Variants in ZNF804A observed in about 807,000 individuals in gnomAD.
The protein encoded by ZNF804A is zinc finger protein 804A.
ZNF804A carries 2 observed loss-of-function variants against 16.5 expected under a neutral mutation model. The ratio of observed to expected loss-of-function variants is 0.12; its 90% CI spans 0.05 to 0.38. The LOEUF is 0.38. Among genes scored for constraint, ZNF804A ranks in the 10% least tolerant of loss-of-function variants. The probability of loss-of-function intolerance (pLI) is 0.99; values close to 1 mark genes in which losing one functional copy is unlikely to be tolerated. For missense variants in ZNF804A, 1,473 were observed against 1,390.7 expected (o/e 1.06, Z -0.94); for synonymous variants, 534 against 489.6 (o/e 1.09, Z -1.20).
At chr2:184,931,567 A>G (rs1685702725) in intron 2 of ZNF804A, among the ~76,000 whole-genome samples, 1 of 152,170 alleles carries the variant, frequency 6.6e-6, no homozygotes, top group Non-Finnish European at 1.5e-5. Flanking sequence ...ACAAAGTGGC[A>G]AGGCTCTGGG....
chr2:184,758,852 AC>A (rs1005855225), intron 1 of ZNF804A, among the ~76,000 whole-genome samples: 2 of 151,968 alleles, frequency 1.3e-5, no homozygotes, highest in Non-Finnish European at 2.9e-5. Context: ...TTTAAATTTC[AC>A]AAAGTTAAAA....
intron 1 of ZNF804A, among the ~76,000 whole-genome samples, chr2:184,630,316 A>C (rs570449452): frequency 1.8e-4 from 28 of 152,264 alleles, no homozygotes; most frequent in Admixed American, 5.2e-4. Flanking sequence ...TGACCTGTCC[A>C]AGGTCATTAG....
intron 1 of ZNF804A, among the ~76,000 whole-genome samples, chr2:184,774,448 G>C (rs1694258766): frequency 6.6e-6 from 1 of 151,546 alleles, no homozygotes; most frequent in South Asian, 2.1e-4. Flanking sequence ...GGTTCTCAGG[G>C]GTAGGTAAAA....
chr2:184,704,381 A>G (rs34495883), intron 1 of ZNF804A, among the ~76,000 whole-genome samples: 2 of 152,030 alleles, frequency 1.3e-5, no homozygotes, highest in African/African-American at 4.8e-5. Flanking sequence ...CGAACTCCCA[A>G]CCTCAGATGA....
chr2:184,695,004 G>A (rs991797329), intron 1 of ZNF804A, among the ~76,000 whole-genome samples: 2 of 152,198 alleles, frequency 1.3e-5, no homozygotes, highest in Non-Finnish European at 2.9e-5. Context: ...TGCAGGCTCT[G>A]AGGGGAAAGG....
intron 2 of ZNF804A, among the ~76,000 whole-genome samples, chr2:184,903,832 C>A (rs10931155): frequency 0.43 from 64,786 of 151,918 alleles, 16,804 homozygotes; most frequent in East Asian, 0.82. Context: ...ATATCCATCA[C>A]TGCCAGAAAT....
chr2:184,824,148 C>T (rs938845571), intron 1 of ZNF804A, among the ~76,000 whole-genome samples: 8 of 152,044 alleles, frequency 5.3e-5, no homozygotes, highest in South Asian at 2.1e-4. Context: ...TAGCCTATAA[C>T]TCAGGCAGAA....
intron 1 of ZNF804A, among the ~76,000 whole-genome samples, chr2:184,691,929 A>G (rs1692736770): frequency 6.6e-6 from 1 of 152,146 alleles, no homozygotes; most frequent in Non-Finnish European, 1.5e-5. Context: ...GAGAGAAGCA[A>G]TGAAAGATCT....
chr2:184,873,165 G>A (rs189308598), intron 2 of ZNF804A, among the ~76,000 whole-genome samples: 1 of 152,140 alleles, frequency 6.6e-6, no homozygotes, highest in Admixed American at 6.5e-5. Flanking sequence ...ACATATCTAG[G>A]GAATTATTTT....
chr2:184,639,408 G>T (rs1415873528), intron 1 of ZNF804A, among the ~76,000 whole-genome samples: 1 of 151,956 alleles, frequency 6.6e-6, no homozygotes, highest in African/African-American at 2.4e-5. Context: ...TGATTCAGGA[G>T]ATTAACCTCC....
intron 1 of ZNF804A, among the ~76,000 whole-genome samples, chr2:184,737,403 G>C (rs1693643450): frequency 6.6e-6 from 1 of 151,934 alleles, no homozygotes; most frequent in African/African-American, 2.4e-5. Context: ...ATGAAATAGT[G>C]TTGAACTTTG....
Position 184,598,950 on chromosome 2 carries a change from C to A in ZNF804A, c.-10C>A. ...GCGGCGGCTGCGGCGGAGGAGGCGGCGGCTGCCCCATGGAGTGTTACTACA... is the reference window on the plus strand; with the variant it reads ...GCGGCGGCTGCGGCGGAGGAGGCGGAGGCTGCCCCATGGAGTGTTACTACA... On this transcript the variant is annotated 5_prime_UTR_variant, in exon 1 of 4. Transcript: ENST00000302277. 6.5e-7 allele frequency: 1 copy of A among 1,537,726 alleles called. No homozygotes were observed.
chr2:184,866,577 A>G, intron 2 of ZNF804A, 65 bp downstream of exon 2: 2 of 1,374,564 alleles, frequency 1.5e-6, no homozygotes, highest in South Asian at 1.4e-5. Context: ...AATTGTGTAG[A>G]CTCTATGAAT....
At chr2:184,836,392 A>G (rs1416905228) in intron 1 of ZNF804A, among the ~76,000 whole-genome samples, 4 of 152,086 alleles carry the variant, frequency 2.6e-5, no homozygotes. Flanking sequence ...GACACTGGGA[A>G]TAAGTCATTA....
chr2:184,629,995 T>C (rs564814021), intron 1 of ZNF804A, among the ~76,000 whole-genome samples: 1 of 152,228 alleles, frequency 6.6e-6, no homozygotes, highest in Non-Finnish European at 1.5e-5. Flanking sequence ...AAATAGGTTT[T>C]CAAGCCATCT....
intron 1 of ZNF804A, among the ~76,000 whole-genome samples, chr2:184,800,252 A>G (rs893491514): frequency 1.3e-5 from 2 of 151,548 alleles, no homozygotes; most frequent in African/African-American, 4.8e-5. Flanking sequence ...TATTTTCTCT[A>G]TTGTTTTCCT....
At chr2:184,827,769 G>A (rs991858134) in intron 1 of ZNF804A, among the ~76,000 whole-genome samples, 3 of 151,318 alleles carry the variant, frequency 2.0e-5, no homozygotes, top group African/African-American at 7.3e-5. Context: ...ATGGTTGAGT[G>A]GTGTTTCATT....
At chr2:184,646,649 G>C (rs778978280) in intron 1 of ZNF804A, among the ~76,000 whole-genome samples, 3 of 152,202 alleles carry the variant, frequency 2.0e-5, no homozygotes, top group Non-Finnish European at 4.4e-5. Context: ...GCTGCAGGGG[G>C]CTCTCTCTGT....
chr2:184,694,657 A>G (rs888002201), intron 1 of ZNF804A, among the ~76,000 whole-genome samples: 2 of 152,212 alleles, frequency 1.3e-5, no homozygotes, highest in African/African-American at 2.4e-5. Flanking sequence ...AATTCTTCTC[A>G]GAAATAGGAT....
Sources: allele counts gnomAD v4.1 joint callset (sites outside exome capture counted in the v4.1 genomes callset), GRCh38; gene constraint gnomAD v4.1.1; transcripts MANE v1.5; gene names NCBI Gene and HGNC (gene_info 2026-07-23, HGNC 2026-07-21).